The following C1orf21 variants were observed in gnomAD, a reference collection of about 807,000 sequenced individuals.
C1orf21 encodes chromosome 1 open reading frame 21, also known as uncharacterized protein C1orf21.
Under a neutral mutation model 18.7 loss-of-function variants are expected in C1orf21, and 3 were observed. The ratio of observed to expected loss-of-function variants is 0.16; its 90% CI spans 0.07 to 0.42. C1orf21 has a LOEUF of 0.42. Ranked by LOEUF, C1orf21 falls within the 10% of genes least tolerant of loss-of-function variation. The pLI is 0.99. For synonymous variants in C1orf21, 41 were observed against 46.4 expected, an observed-to-expected ratio of 0.88 and a Z score of 0.47; for missense variants, 104 against 143.6, an observed-to-expected ratio of 0.72 and a Z score of 1.41.
intron 1 of C1orf21, among the ~76,000 whole-genome samples, chr1:184,406,439 G>A (rs1656250738): frequency 6.6e-6 from 1 of 152,094 alleles, no homozygotes; most frequent in Non-Finnish European, 1.5e-5. Context: ...TTGTTTTTTG[G>A]AAAATGAAAT....
Position 184,620,329 on chromosome 1 carries a change from C to G in C1orf21, c.*773C>G, listed in dbSNP as rs1439111246. ...AAACATTTTACTGTTTTTATGGATC[C>G]TTGTCTTCTCCCATTCATCCAGCTC... On this transcript the variant is annotated 3_prime_UTR_variant, in exon 6 of 6. Coordinates refer to ENST00000235307, the MANE Select transcript of C1orf21 (RefSeq NM_030806.4). 1 of 152,338 alleles carries G rather than the reference C, an allele frequency of 6.6e-6. No homozygotes were observed. The highest frequency in any genetic ancestry group is 1.9e-4 in the East Asian group (1 of 5,192). 9.4% of individuals were successfully genotyped at this position (152,338 alleles called of 1,614,324 possible). A position where few individuals can be genotyped will look rare whatever the true frequency, so the allele number is the denominator to read the frequency against.
chr1:184,445,491 T>G (rs1657016669), intron 1 of C1orf21, among the ~76,000 whole-genome samples: 2 of 151,848 alleles, frequency 1.3e-5, no homozygotes, highest in Middle Eastern at 3.4e-3. Context: ...CCTTTTTTTT[T>G]TTACCTGATT....
chr1:184,520,055 G>A (rs1276918957), intron 3 of C1orf21, among the ~76,000 whole-genome samples: 1 of 152,132 alleles, frequency 6.6e-6, no homozygotes. Context: ...GTATATGAAG[G>A]TACCATTATA....
Position 184,394,473 on chromosome 1 carries a change from G to GATGT in C1orf21, c.-125+7107_-125+7110dup, listed in dbSNP as rs1656019308. Among the ~76,000 whole-genome samples, 3 of 152,270 alleles carry GATGT rather than the reference G, an allele frequency of 2.0e-5. No individual in the cohort carries two copies. The South Asian group carries it at 6.2e-4, about 32-fold the overall frequency. On this transcript the variant is annotated intron_variant, in intron 1 of 5. Coordinates refer to ENST00000235307, the MANE Select transcript of C1orf21 (RefSeq NM_030806.4). ...ATCATCATAGATACAAGTGCTAAGG[G>GATGT]ATGTACTCTCAACAAACCATGACAT...
At chr1:184,460,950 T>G (rs928455695) in intron 1 of C1orf21, among the ~76,000 whole-genome samples, 3 of 152,076 alleles carry the variant, frequency 2.0e-5, no homozygotes, top group Non-Finnish European at 4.4e-5. Context: ...TGAGGACAGG[T>G]GTCCTTCCTT....
chr1:184,584,348 A>G (rs866391580), intron 3 of C1orf21, among the ~76,000 whole-genome samples: 1 of 152,140 alleles, frequency 6.6e-6, no homozygotes, highest in South Asian at 2.1e-4. Flanking sequence ...CATGTTTTCA[A>G]GTAAATAAAA....
intron 1 of C1orf21, among the ~76,000 whole-genome samples, chr1:184,394,571 C>T (rs1242695575): frequency 6.6e-6 from 1 of 152,064 alleles, no homozygotes; most frequent in African/African-American, 2.4e-5. Context: ...TAGTAGAGCC[C>T]CTGTATTAGC....
At chr1:184,502,367 A>G (rs2101961394) in intron 2 of C1orf21, among the ~76,000 whole-genome samples, 1 of 152,172 alleles carries the variant, frequency 6.6e-6, no homozygotes, top group Non-Finnish European at 1.5e-5. Flanking sequence ...TGACTTCATC[A>G]CCTTCCAAAG....
intron 5 of C1orf21, among the ~76,000 whole-genome samples, chr1:184,610,033 A>G (rs1013906158): frequency 6.6e-6 from 1 of 152,174 alleles, no homozygotes; most frequent in African/African-American, 2.4e-5. Flanking sequence ...AGAGGGCAAA[A>G]CCCTTGAACA....
intron 3 of C1orf21, among the ~76,000 whole-genome samples, chr1:184,535,822 G>C (rs905603492): frequency 5.9e-5 from 9 of 152,126 alleles, no homozygotes; most frequent in Admixed American, 3.3e-4. Flanking sequence ...GTGGACTTTA[G>C]GAAATGTACT....
At chr1:184,495,503 T>C (rs879907092) in intron 2 of C1orf21, among the ~76,000 whole-genome samples, 5 of 152,216 alleles carry the variant, frequency 3.3e-5, no homozygotes, top group Non-Finnish European at 5.9e-5. Context: ...TGCTTTGCAT[T>C]GTTACCTTTT....
chr1:184,471,520 C>T (rs74131688), intron 1 of C1orf21, among the ~76,000 whole-genome samples: 3,898 of 152,112 alleles, frequency 0.026, 80 homozygotes, highest in African/African-American at 0.065. Flanking sequence ...ATCATAGAGT[C>T]TAAGAAAGAG....
intron 3 of C1orf21, among the ~76,000 whole-genome samples, chr1:184,580,085 C>G (rs1659255614): frequency 6.6e-6 from 1 of 152,090 alleles, no homozygotes. Context: ...TGTTATCATT[C>G]TTTGGCCCTC....
chr1:184,469,531 A>G (rs1571373108), intron 1 of C1orf21, among the ~76,000 whole-genome samples: 2 of 152,332 alleles, frequency 1.3e-5, no homozygotes, highest in Non-Finnish European at 1.5e-5. Context: ...GATCAGTGGC[A>G]TTAACTCTTT....
chr1:184,469,059 AC>A (rs1657451258), intron 1 of C1orf21, among the ~76,000 whole-genome samples: 1 of 151,642 alleles, frequency 6.6e-6, no homozygotes, highest in South Asian at 2.1e-4. Flanking sequence ...ACATGGTGAA[AC>A]CCTGTCTCTA....
chr1:184,570,493 T>C (rs1659093636), intron 3 of C1orf21, among the ~76,000 whole-genome samples: 1 of 152,210 alleles, frequency 6.6e-6, no homozygotes, highest in African/African-American at 2.4e-5. Context: ...CAAACAACTC[T>C]GGAAGATAAT....
intron 3 of C1orf21, among the ~76,000 whole-genome samples, chr1:184,532,494 C>A (rs1344884824): frequency 2.0e-5 from 3 of 152,006 alleles, no homozygotes; most frequent in African/African-American, 7.2e-5. Context: ...TCTGTAATAC[C>A]AGCACTTTGG....
intron 3 of C1orf21, among the ~76,000 whole-genome samples, chr1:184,533,481 G>A (rs1658500330): frequency 6.6e-6 from 1 of 152,082 alleles, no homozygotes; most frequent in South Asian, 2.1e-4. Context: ...AAGAAGGCAT[G>A]GTCTTTTATT....
At chr1:184,410,172 A>G (rs536686195) in intron 1 of C1orf21, among the ~76,000 whole-genome samples, 2 of 152,208 alleles carry the variant, frequency 1.3e-5, no homozygotes, top group African/African-American at 4.8e-5. Context: ...TAGCTTGTGC[A>G]TCTAGGAATA....
Sources: gnomAD v4.1 joint callset for allele counts (sites outside exome capture counted in the v4.1 genomes callset) on GRCh38, gnomAD v4.1.1 for gene constraint, MANE v1.5 for transcripts, NCBI Gene and HGNC (gene_info 2026-07-23, HGNC 2026-07-21) for gene names.